Variants in MEF2A observed in about 807,000 individuals in gnomAD.
The protein encoded by MEF2A is myocyte-specific enhancer factor 2A.
In MEF2A, 28 loss-of-function variants were observed where a neutral mutation model predicts 55.8. The observed-to-expected ratio is 0.50, with a 90% confidence interval of 0.37 to 0.69. MEF2A has a LOEUF of 0.69. MEF2A is among the 30% of genes least tolerant of loss of function. MEF2A has a pLI of 0.00. For synonymous variants in MEF2A, 239 were observed against 227.1 expected, an observed-to-expected ratio of 1.05 and a Z score of -0.47; for missense variants, 528 against 626.2, an observed-to-expected ratio of 0.84 and a Z score of 1.67.
intron 7 of MEF2A, among the ~76,000 whole-genome samples, chr15:99,676,576 G>GT (rs67443428): frequency 6.6e-4 from 93 of 140,842 alleles, no homozygotes; most frequent in African/African-American, 1.5e-3. Flanking sequence ...ATACAGTTTT[G>GT]TTTTTTTTTT....
chr15:99,608,794 G>A (rs1976043825), intron 2 of MEF2A, among the ~76,000 whole-genome samples: 1 of 152,060 alleles, frequency 6.6e-6, no homozygotes, highest in African/African-American at 2.4e-5. Flanking sequence ...CCAGCTACAT[G>A]GGAGGCTGAG....
rs181998332 is a variant in MEF2A at position 99,634,457 on chromosome 15, A to T, written c.54+1284A>T. ...TTCCCTTCACAATCTGAGGATTATGAAGTGTAGAGGAGGCATAGGGACCTG... is the reference window on the plus strand; with the variant it reads ...TTCCCTTCACAATCTGAGGATTATGTAGTGTAGAGGAGGCATAGGGACCTG... On this transcript the variant is annotated intron_variant, in intron 3 of 11. Transcript: ENST00000557942. 1.1e-3 allele frequency among the ~76,000 whole-genome samples: 163 copies of T among 152,338 alleles called. 1 individual carries two copies. Among genetic ancestry groups the T allele is most frequent in the African/African-American group, 3.8e-3 (157 of 41,596 alleles).
chr15:99,626,274 T>TA (rs200324678), intron 2 of MEF2A, among the ~76,000 whole-genome samples: 1 of 152,142 alleles, frequency 6.6e-6, no homozygotes, highest in African/African-American at 2.4e-5. Context: ...AGTACCCTCT[T>TA]ACAGTCTCAT....
At chr15:99,688,898 C>T (rs375586883) in intron 7 of MEF2A, among the ~76,000 whole-genome samples, 11 of 152,208 alleles carry the variant, frequency 7.2e-5, no homozygotes, top group African/African-American at 1.7e-4. Flanking sequence ...CTGTGGTGAG[C>T]GAGAATGACC....
chr15:99,672,802 T>C (rs901422242), intron 5 of MEF2A, among the ~76,000 whole-genome samples: 1 of 152,190 alleles, frequency 6.6e-6, no homozygotes, highest in Admixed American at 6.5e-5. Context: ...ACTCATGGAC[T>C]GAAGGAAGTT....
intron 9 of MEF2A, 46 bp from the exon 10 acceptor site, chr15:99,706,683 C>T: frequency 6.3e-7 from 1 of 1,598,228 alleles, no homozygotes; most frequent in South Asian, 1.1e-5. Context: ...TTTAAGTCAA[C>T]ATAAATACCA....
intron 7 of MEF2A, among the ~76,000 whole-genome samples, chr15:99,685,806 A>C (rs947251458): frequency 6.6e-6 from 1 of 152,152 alleles, no homozygotes; most frequent in Non-Finnish European, 1.5e-5. Context: ...TTTTGGTATT[A>C]GGGTGATACT....
chr15:99,674,732 A>C (rs551595264), intron 6 of MEF2A, 120 bp downstream of exon 6: 5 of 810,524 alleles, frequency 6.2e-6, no homozygotes, highest in South Asian at 5.2e-5. Context: ...AGAATCACTG[A>C]TACATAATTG....
At chr15:99,571,196 A>C (rs77285102) in intron 1 of MEF2A, among the ~76,000 whole-genome samples, 1 of 149,966 alleles carries the variant, frequency 6.7e-6, no homozygotes, top group Admixed American at 6.6e-5. Flanking sequence ...AAAAAAAAAA[A>C]ACAACAACAA....
intron 1 of MEF2A, among the ~76,000 whole-genome samples, chr15:99,572,644 T>C (rs1010260213): frequency 5.3e-5 from 8 of 152,228 alleles, no homozygotes; most frequent in Admixed American, 5.2e-4. Flanking sequence ...TTTTTGCCAA[T>C]GATTGGAATG....
chr15:99,621,594 C>T (rs2041182688), intron 2 of MEF2A, among the ~76,000 whole-genome samples: 1 of 152,092 alleles, frequency 6.6e-6, no homozygotes, highest in Non-Finnish European at 1.5e-5. Context: ...TGTCCCTTTA[C>T]TATTGTCTAT....
intron 7 of MEF2A, among the ~76,000 whole-genome samples, chr15:99,685,917 C>T (rs1046967965): frequency 5.9e-5 from 9 of 152,062 alleles, no homozygotes; most frequent in African/African-American, 9.7e-5. Flanking sequence ...TGATAGAATT[C>T]GGCTCTGAAT....
chr15:99,700,095 A>G (rs1217950034), intron 8 of MEF2A, among the ~76,000 whole-genome samples: 1 of 140,236 alleles, frequency 7.1e-6, no homozygotes, highest in African/African-American at 2.6e-5. Context: ...CCTGAGCTCA[A>G]CATCTGCCCG....
chr15:99,667,540 A>G (rs1296810061), intron 4 of MEF2A, among the ~76,000 whole-genome samples: 2 of 152,126 alleles, frequency 1.3e-5, no homozygotes, highest in South Asian at 2.1e-4. Flanking sequence ...AGTTTTTTAT[A>G]AAGGTGATTA....
At chr15:99,689,031 C>T (rs1190337738) in intron 7 of MEF2A, among the ~76,000 whole-genome samples, 2 of 152,102 alleles carry the variant, frequency 1.3e-5, no homozygotes, top group Non-Finnish European at 2.9e-5. Flanking sequence ...CTACAGTATT[C>T]ATGAAAACAG....
chr15:99,639,073 G>T (rs1406547002), intron 3 of MEF2A, among the ~76,000 whole-genome samples: 1 of 151,982 alleles, frequency 6.6e-6, no homozygotes, highest in East Asian at 1.9e-4. Flanking sequence ...AAAAATAAAA[G>T]TTTTTTCCAA....
chr15:99,675,474 CTCTTCTGTTT>C lies in MEF2A; in HGVS notation c.670+18_670+27del. On this transcript the variant is annotated intron_variant, in intron 7 of 11. Transcript: ENST00000557942. ...AGTCCAGTGGGTGAGTGAATTCCTA[CTCTTCTGTTT>C]TGTAGGTATCTATCCTATATGAGAT... The C allele has an allele frequency of 6.2e-7, 1 of 1,609,532 alleles. No homozygotes were observed. The highest frequency in any genetic ancestry group is 8.5e-7 in the Non-Finnish European group (1 of 1,175,856).
intron 7 of MEF2A, among the ~76,000 whole-genome samples, chr15:99,683,394 A>C (rs988136696): frequency 6.6e-6 from 1 of 152,142 alleles, no homozygotes; most frequent in South Asian, 2.1e-4. Context: ...CACACTAATC[A>C]TCTGGAACTC....
chr15:99,604,710 T>G (rs1974437814), intron 2 of MEF2A, among the ~76,000 whole-genome samples: 1 of 144,070 alleles, frequency 6.9e-6, no homozygotes, highest in East Asian at 2.0e-4. Flanking sequence ...AGGGGTTTTG[T>G]TTTTTTTTTT....
Sources: gnomAD v4.1 joint callset for allele counts (sites outside exome capture counted in the v4.1 genomes callset) on GRCh38, gnomAD v4.1.1 for gene constraint, MANE v1.5 for transcripts, NCBI Gene and HGNC (gene_info 2026-07-23, HGNC 2026-07-21) for gene names.